Variants in PDE1A observed in about 807,000 individuals in gnomAD.
PDE1A encodes the protein phosphodiesterase 1A.
In PDE1A, 35 loss-of-function variants were observed where a neutral mutation model predicts 61.7. The observed-to-expected ratio is 0.57, with a 90% confidence interval of 0.43 to 0.75. The LOEUF is 0.75. PDE1A is among the 30% of genes least tolerant of loss of function. The probability of loss-of-function intolerance (pLI) is 0.00; values close to 1 mark genes in which losing one functional copy is unlikely to be tolerated. For missense variants in PDE1A, 597 were observed against 630.6 expected, an observed-to-expected ratio of 0.95 and a Z score of 0.57; for synonymous variants, 232 against 213.2, an observed-to-expected ratio of 1.09 and a Z score of -0.77.
chr2:182,186,019 G>T, exon 13 of PDE1A: 1 of 1,613,986 alleles, frequency 6.2e-7, no homozygotes. Context: ...CACTCATGGA[G>T]CCTTTTGTAT....
chr2:182,400,725 T>C (rs1701955076), intron 1 of PDE1A, among the ~76,000 whole-genome samples: 1 of 152,146 alleles, frequency 6.6e-6, no homozygotes, highest in South Asian at 2.1e-4. Context: ...AAGGAGAGAC[T>C]GGGAAAAATA....
chr2:182,264,885 ATATATATG>A (rs1490622636), intron 1 of PDE1A, among the ~76,000 whole-genome samples: 1 of 140,552 alleles, frequency 7.1e-6, no homozygotes, highest in Non-Finnish European at 1.5e-5. Context: ...ATACATATAT[ATATATATG>A]TATATATATA....
chr2:182,707,171 T>G, the PDE1A span, among the ~76,000 whole-genome samples: 1 of 152,128 alleles, frequency 6.6e-6, no homozygotes, highest in Non-Finnish European at 1.5e-5. Flanking sequence ...ACTTAGAAAT[T>G]TAGAACTTTA....
At chr2:182,298,061 T>C (rs1574285299) in intron 1 of PDE1A, among the ~76,000 whole-genome samples, 1 of 152,310 alleles carries the variant, frequency 6.6e-6, no homozygotes, top group African/African-American at 2.4e-5. Context: ...TTGTTAGACA[T>C]ATGGCAACAA....
At chr2:182,614,031 G>T in the PDE1A span, among the ~76,000 whole-genome samples, 1 of 152,216 alleles carries the variant, frequency 6.6e-6, no homozygotes. Flanking sequence ...TGTAAAGTTT[G>T]CAAAGCTGTG....
In PDE1A at chr2:182,216,103, T is replaced by A. The variant is rs1688158677; in HGVS notation, c.776+7761A>T. ...GGGCTTCATCCCTGGGATGCAAGGCTGGTTCAATATACGCAAATCAATAAA... is the reference window on the plus strand; with the variant it reads ...GGGCTTCATCCCTGGGATGCAAGGCAGGTTCAATATACGCAAATCAATAAA... On this transcript the variant is annotated intron_variant, in intron 7 of 13. Coordinates refer to ENST00000351439, the Ensembl canonical transcript of PDE1A. 2.5e-5 allele frequency among the ~76,000 whole-genome samples: 2 copies of A among 78,462 alleles called. 1 individual carries two copies. The highest frequency in any genetic ancestry group is 9.4e-5 in the African/African-American group (2 of 21,290). The allele number at this position is 78,462 out of a possible 152,430, so 51.5% of individuals were successfully genotyped here.
At chr2:182,691,586 AACCTAGGCAAT>A in the PDE1A span, among the ~76,000 whole-genome samples, 1 of 152,206 alleles carries the variant, frequency 6.6e-6, no homozygotes, top group African/African-American at 2.4e-5. Context: ...CCTAGAAGAA[AACCTAGGCAAT>A]ACCATTCAGG....
At chr2:182,168,190 C>T (rs1691775729) in exon 14 of PDE1A, 1 of 1,547,648 alleles carries the variant, frequency 6.5e-7, no homozygotes, top group African/African-American at 1.4e-5. Context: ...TCAAAATCTC[C>T]AAGTCTTTTG....
At chr2:182,493,231 A>C (rs1688501887) in intron 2 of PDE1A, among the ~76,000 whole-genome samples, 1 of 46,366 alleles carries the variant, frequency 2.2e-5, no homozygotes, top group Non-Finnish European at 3.9e-5. Context: ...TTCTCGACTA[A>C]CTTTTTTTTT....
chr2:182,696,192 C>T, the PDE1A span, among the ~76,000 whole-genome samples: 1 of 152,096 alleles, frequency 6.6e-6, no homozygotes, highest in African/African-American at 2.4e-5. Context: ...TTCATAATTG[C>T]CAAAATGTGG....
intron 1 of PDE1A, among the ~76,000 whole-genome samples, chr2:182,361,316 G>T (rs989674379): frequency 2.6e-5 from 4 of 152,006 alleles, no homozygotes; most frequent in African/African-American, 9.7e-5. Context: ...ATACTGTGAG[G>T]ATTAATAGGC....
rs558687900 is a variant in PDE1A at position 182,347,754 on chromosome 2, T to G, written c.53+78824A>C. Among the ~76,000 whole-genome samples, 271 of 152,210 alleles carry G rather than the reference T, an allele frequency of 1.8e-3. 1 individual carries two copies. Among genetic ancestry groups the G allele is most frequent in the African/African-American group, 6.4e-3 (266 of 41,558 alleles). On this transcript the variant is annotated intron_variant, in intron 1 of 13. Coordinates refer to ENST00000351439, the Ensembl canonical transcript of PDE1A. ...AGACAAGAATGTATATAAATAATTA[T>G]AGTGCAAAGCCATAGAAGAGATATA...
At chr2:182,542,934 TG>T in the PDE1A span, among the ~76,000 whole-genome samples, 1 of 152,122 alleles carries the variant, frequency 6.6e-6, no homozygotes, top group Non-Finnish European at 1.5e-5. Flanking sequence ...GAAATTAGAG[TG>T]TATGTACATT....
the PDE1A span, among the ~76,000 whole-genome samples, chr2:182,701,265 G>A: frequency 6.6e-6 from 1 of 152,124 alleles, no homozygotes; most frequent in African/African-American, 2.4e-5. Flanking sequence ...TCGATCTCCT[G>A]ACCTCGTGAT....
chr2:182,640,464 C>A, the PDE1A span, among the ~76,000 whole-genome samples: 1 of 152,098 alleles, frequency 6.6e-6, no homozygotes, highest in Non-Finnish European at 1.5e-5. Context: ...GATTGTCCTA[C>A]CTGTCAGCTG....
At chr2:182,638,732 A>G in the PDE1A span, among the ~76,000 whole-genome samples, 1 of 152,250 alleles carries the variant, frequency 6.6e-6, no homozygotes, top group Non-Finnish European at 1.5e-5. Flanking sequence ...CAGGAAGATT[A>G]CAACAGAAGC....
chr2:182,427,707 T>G (rs1703702790), upstream of PDE1A, among the ~76,000 whole-genome samples: 1 of 152,208 alleles, frequency 6.6e-6, no homozygotes, highest in Non-Finnish European at 1.5e-5. Flanking sequence ...GCGGGAACTC[T>G]TATTCTAGCT....
chr2:182,367,396 G>T (rs1021551388), intron 1 of PDE1A, among the ~76,000 whole-genome samples: 1 of 151,676 alleles, frequency 6.6e-6, no homozygotes, highest in African/African-American at 2.4e-5. Context: ...CACATGATTT[G>T]TTTAAACCTT....
At chr2:182,502,507 T>C (rs1689144257) in intron 2 of PDE1A, among the ~76,000 whole-genome samples, 1 of 152,178 alleles carries the variant, frequency 6.6e-6, no homozygotes, top group African/African-American at 2.4e-5. Flanking sequence ...AATACACCCA[T>C]ATATCAACAA....
Sources: allele counts gnomAD v4.1 joint callset (sites outside exome capture counted in the v4.1 genomes callset), GRCh38; gene constraint gnomAD v4.1.1; transcripts MANE v1.5; gene names NCBI Gene and HGNC (gene_info 2026-07-23, HGNC 2026-07-21).